Variants in GNAS-AS1 observed in about 807,000 individuals in gnomAD.
GNAS-AS1 encodes the protein GNAS antisense RNA 1 (non-protein coding).
intron 4 of GNAS-AS1, among the ~76,000 whole-genome samples, chr20:58,824,414 A>G (rs549785651): frequency 2.6e-5 from 4 of 152,322 alleles, no homozygotes; most frequent in East Asian, 1.9e-4. Context: ...ATTTGTATAG[A>G]AAGAAGAAAG....
At chr20:58,836,728 T>C (rs2085606026) in intron 4 of GNAS-AS1, among the ~76,000 whole-genome samples, 1 of 152,186 alleles carries the variant, frequency 6.6e-6, no homozygotes, top group African/African-American at 2.4e-5. Flanking sequence ...TACGGCTCCA[T>C]TTGCTCGACC....
intron 4 of GNAS-AS1, among the ~76,000 whole-genome samples, chr20:58,824,752 A>T (rs2085508654): frequency 1.3e-5 from 2 of 152,338 alleles, no homozygotes; most frequent in Middle Eastern, 3.4e-3. Context: ...TGCTCGCTGT[A>T]AACATTTTAT....
intron 4 of GNAS-AS1, among the ~76,000 whole-genome samples, chr20:58,825,326 C>T (rs2085512308): frequency 6.6e-6 from 1 of 152,158 alleles, no homozygotes; most frequent in African/African-American, 2.4e-5. Flanking sequence ...CATCTCTCAC[C>T]ATCTCTCCTA....
chr20:58,823,215 G>A (rs573785227), intron 4 of GNAS-AS1, among the ~76,000 whole-genome samples: 1 of 152,182 alleles, frequency 6.6e-6, no homozygotes, highest in Non-Finnish European at 1.5e-5. Context: ...CAGCCTTGGC[G>A]TATAGAACCT....
intron 4 of GNAS-AS1, among the ~76,000 whole-genome samples, chr20:58,820,580 G>A (rs147883013): frequency 4.6e-5 from 7 of 152,332 alleles, no homozygotes; most frequent in African/African-American, 1.4e-4. Context: ...GTATTAGTCC[G>A]TTTTCACACT....
intron 4 of GNAS-AS1, chr20:58,834,539 A>AGGGCCAC (rs2085589597): frequency 2.0e-5 from 3 of 152,308 alleles, no homozygotes; most frequent in Admixed American, 2.0e-4. Context: ...GCCAAGCTCC[A>AGGGCCAC]GGGCCACGGG....
intron 4 of GNAS-AS1, among the ~76,000 whole-genome samples, chr20:58,830,199 CCAT>C (rs1345599790): frequency 8.0e-5 from 12 of 150,624 alleles, no homozygotes; most frequent in African/African-American, 2.9e-4. Flanking sequence ...CACCACATCA[CCAT>C]CATCACCACC....
chr20:58,844,858 C>A (rs921122615), intron 2 of GNAS-AS1, among the ~76,000 whole-genome samples: 4 of 151,990 alleles, frequency 2.6e-5, no homozygotes, highest in African/African-American at 9.7e-5. Context: ...AAAAAAAGCA[C>A]CAGCTAGGAA....
chr20:58,835,173 C>T (rs1032483887), intron 4 of GNAS-AS1, among the ~76,000 whole-genome samples: 2 of 152,064 alleles, frequency 1.3e-5, no homozygotes, highest in Admixed American at 6.6e-5. Context: ...GCGAGTGCTG[C>T]AAACTCCCTG....
At chr20:58,833,176 A>G (rs1416853381) in intron 4 of GNAS-AS1, among the ~76,000 whole-genome samples, 1 of 152,198 alleles carries the variant, frequency 6.6e-6, no homozygotes, top group Non-Finnish European at 1.5e-5. Context: ...TTCTTTTTAT[A>G]TGTGGCTCCT....
At chr20:58,850,104 T>C (rs2086098088) in intron 1 of GNAS-AS1, among the ~76,000 whole-genome samples, 1 of 152,128 alleles carries the variant, frequency 6.6e-6, no homozygotes, top group African/African-American at 2.4e-5. Context: ...CCTTTGTTCG[T>C]GGTGGGCAAA....
intron 4 of GNAS-AS1, among the ~76,000 whole-genome samples, chr20:58,830,254 AACG>A (rs2085547470): frequency 1.5e-3 from 190 of 124,188 alleles, no homozygotes; most frequent in African/African-American, 3.6e-3. Flanking sequence ...CACCACCATC[AACG>A]CCACACCATC....
rs557127211 is a variant in GNAS-AS1, at chr20:58,841,954, C to A, written n.802G>T. ...TAACTTACAATTCGTTTCCAAAGAG[C>A]GCGGTACGCGCAGAGCTGGGGAAAG... On this transcript the variant is annotated non_coding_transcript_exon_variant, in exon 4 of 5. Transcript: ENST00000424094. This position sits in a 1 kb window ranked among gnomAD's most constrained non-coding sequence, Gnocchi z 5.0. The A allele has an allele frequency of 2.6e-6, 3 of 1,138,020 alleles. No homozygotes were observed. The highest frequency in any genetic ancestry group is 3.3e-6 in the Non-Finnish European group (3 of 902,414). 70.5% of individuals were successfully genotyped at this position (1,138,020 alleles called of 1,614,324 possible).
chr20:58,826,298 G>A lies in GNAS-AS1; in HGVS notation n.820-7043C>T, dbSNP rs2085519872. On this transcript the variant is annotated intron_variant and non_coding_transcript_variant, in intron 4 of 4. Coordinates refer to ENST00000424094, the Ensembl canonical transcript of GNAS-AS1. Reference sequence around the variant, plus strand: ...AACAACACTGCTGCTGTCATGACGGGAGGGCTGGGGGCCCAAACAGCCTGC... The same window carrying A: ...AACAACACTGCTGCTGTCATGACGGAAGGGCTGGGGGCCCAAACAGCCTGC... Among the ~76,000 whole-genome samples the A allele has an allele frequency of 2.0e-5, 3 of 152,196 alleles. No homozygotes were observed. In the South Asian group the frequency reaches 6.2e-4, roughly 31 times the overall value.
chr20:58,827,144 T>C (rs1278310318), intron 4 of GNAS-AS1, among the ~76,000 whole-genome samples: 1 of 152,186 alleles, frequency 6.6e-6, no homozygotes, highest in African/African-American at 2.4e-5. Flanking sequence ...CCTCTCCTTG[T>C]GGCAAATTTC....
intron 1 of GNAS-AS1, among the ~76,000 whole-genome samples, chr20:58,849,949 A>G (rs1217097353): frequency 2.0e-5 from 3 of 152,214 alleles, no homozygotes; most frequent in Non-Finnish European, 4.4e-5. Context: ...AAATAGCCTC[A>G]AAAGTGCTTG....
chr20:58,836,836 T>A (rs1568903342), intron 4 of GNAS-AS1, among the ~76,000 whole-genome samples: 1 of 152,270 alleles, frequency 6.6e-6, no homozygotes, highest in East Asian at 1.9e-4. Context: ...TATTTATAAC[T>A]ACACAGGACT....
Position 58,838,916 on chromosome 20 carries a change from C to CAAA in GNAS-AS1, n.819+3018_819+3020dup, listed in dbSNP as rs766172876. On this transcript the variant is annotated intron_variant and non_coding_transcript_variant, in intron 4 of 4. Coordinates refer to ENST00000424094, the Ensembl canonical transcript of GNAS-AS1. ...TGGGTGACAGAGCAAGATTCTGTCT[C>CAAA]AAAAAAAAAAAAAAAAAAAAAAAAA... 6.9e-3 allele frequency: 1,718 copies of CAAA among 248,928 alleles called. 23 individuals carry two copies. Among genetic ancestry groups the CAAA allele is most frequent in the African/African-American group, 0.029 (521 of 18,248 alleles). 15.4% of individuals were successfully genotyped at this position (248,928 alleles called of 1,614,324 possible).
At chr20:58,822,151 T>A (rs538042735) in intron 4 of GNAS-AS1, among the ~76,000 whole-genome samples, 6 of 152,282 alleles carry the variant, frequency 3.9e-5, no homozygotes, top group Middle Eastern at 3.4e-3. Context: ...TCAATGCTCA[T>A]CCATCAGCCC....
Sources: allele counts gnomAD v4.1 joint callset (sites outside exome capture counted in the v4.1 genomes callset), GRCh38; gene constraint gnomAD v4.1.1; non-coding constraint Gnocchi (gnomAD v3.1); transcripts MANE v1.5; gene names NCBI Gene and HGNC (gene_info 2026-07-23, HGNC 2026-07-21).